Variants in ATOSA observed in about 807,000 individuals in gnomAD.
The protein encoded by ATOSA is atos homolog A, also known as atos homolog protein A.
At chr15:52,667,830 G>A in the ATOSA span, among the ~76,000 whole-genome samples, 1 of 152,194 alleles carries the variant, frequency 6.6e-6, no homozygotes, top group Non-Finnish European at 1.5e-5. Context: ...CTAATAACCA[G>A]AGAAATGCAA....
At chr15:52,582,295 A>G in the ATOSA span, 20 of 1,578,628 alleles carry the variant, frequency 1.3e-5, no homozygotes, top group Non-Finnish European at 1.7e-5. Context: ...TTCCAGATTT[A>G]GAACTCTGGA....
chr15:52,601,477 T>G, the ATOSA span, among the ~76,000 whole-genome samples: 5 of 151,736 alleles, frequency 3.3e-5, no homozygotes, highest in African/African-American at 1.2e-4. Context: ...TTTGCTTTTT[T>G]GTATACTTCT....
At chr15:52,612,789 C>T in the ATOSA span, among the ~76,000 whole-genome samples, 1 of 152,046 alleles carries the variant, frequency 6.6e-6, no homozygotes, top group Admixed American at 6.5e-5. Context: ...AGGCGTGAAC[C>T]ACTGCGCCCA....
chr15:52,629,556 C>A, the ATOSA span: 1 of 306,946 alleles, frequency 3.3e-6, no homozygotes, highest in Non-Finnish European at 6.6e-6. Context: ...GTAATCCCAG[C>A]ACTTTGGCAG....
chr15:52,626,987 T>C, the ATOSA span, among the ~76,000 whole-genome samples: 1 of 152,226 alleles, frequency 6.6e-6, no homozygotes, highest in African/African-American at 2.4e-5. Flanking sequence ...GAATTCTAAC[T>C]AGGTTTTCCA....
At chr15:52,627,270 A>G in the ATOSA span, among the ~76,000 whole-genome samples, 1 of 152,142 alleles carries the variant, frequency 6.6e-6, no homozygotes, top group African/African-American at 2.4e-5. Context: ...CAAACTGCAC[A>G]TTTTTCAATG....
chr15:52,699,114 C>T, the ATOSA span, among the ~76,000 whole-genome samples: 12 of 152,252 alleles, frequency 7.9e-5, no homozygotes, highest in African/African-American at 2.9e-4. Context: ...CTTGCCCCAG[C>T]CTCGGACAAG....
chr15:52,583,715 A>C, the ATOSA span, among the ~76,000 whole-genome samples: 1 of 152,124 alleles, frequency 6.6e-6, no homozygotes, highest in African/African-American at 2.4e-5. Context: ...AAGTTTTCCA[A>C]GTCTGTTTTT....
chr15:52,645,487 TAGG>T, the ATOSA span, among the ~76,000 whole-genome samples: 1 of 151,998 alleles, frequency 6.6e-6, no homozygotes, highest in South Asian at 2.1e-4. Context: ...ATAAATAAAA[TAGG>T]AGTAGATCAA....
At chr15:52,694,173 T>A in the ATOSA span, among the ~76,000 whole-genome samples, 5,755 of 146,446 alleles carry the variant, frequency 0.039, 361 homozygotes, top group African/African-American at 0.13. Context: ...TATATATTTT[T>A]TTTTTTTTTT....
At chr15:52,611,736 C>A in the ATOSA span, 1 of 1,613,972 alleles carries the variant, frequency 6.2e-7, no homozygotes, top group Non-Finnish European at 8.5e-7. Context: ...TATTCTTCCA[C>A]AACAATGTGA....
At chr15:52,704,699 T>C in the ATOSA span, among the ~76,000 whole-genome samples, 3 of 152,120 alleles carry the variant, frequency 2.0e-5, no homozygotes, top group African/African-American at 4.8e-5. Flanking sequence ...GGGCAAAAGA[T>C]ATGAACAGAC....
the ATOSA span, among the ~76,000 whole-genome samples, chr15:52,612,211 C>T: frequency 5.3e-5 from 8 of 152,240 alleles, no homozygotes; most frequent in East Asian, 1.5e-3. Flanking sequence ...TCTCAAACTC[C>T]TAACCTCAGG....
chr15:52,699,074 C>T, the ATOSA span, among the ~76,000 whole-genome samples: 1 of 152,110 alleles, frequency 6.6e-6, no homozygotes, highest in African/African-American at 2.4e-5. Flanking sequence ...GAAATAAAAG[C>T]ACTGCATAAA....
the ATOSA span, among the ~76,000 whole-genome samples, chr15:52,630,693 G>A: frequency 0.078 from 11,935 of 152,178 alleles, 767 homozygotes; most frequent in East Asian, 0.26. Flanking sequence ...ATAACCTAGA[G>A]AAAATCTTGT....
At chr15:52,693,739 A>G in the ATOSA span, among the ~76,000 whole-genome samples, 1 of 152,220 alleles carries the variant, frequency 6.6e-6, no homozygotes, top group Non-Finnish European at 1.5e-5. Flanking sequence ...ATATTTTCTA[A>G]TGGAGTTTAA....
chr15:52,650,952 G>A, the ATOSA span, among the ~76,000 whole-genome samples: 1 of 152,124 alleles, frequency 6.6e-6, no homozygotes, highest in Non-Finnish European at 1.5e-5. Context: ...GATACAAAAA[G>A]ACCTTTTGTT....
the ATOSA span, among the ~76,000 whole-genome samples, chr15:52,585,633 A>T: frequency 6.6e-6 from 1 of 152,256 alleles, no homozygotes; most frequent in Non-Finnish European, 1.5e-5. Flanking sequence ...CCCTTAAAAA[A>T]TTCTCAATAT....
chr15:52,605,362 G>T, the ATOSA span: 1 of 669,522 alleles, frequency 1.5e-6, no homozygotes, highest in Non-Finnish European at 2.4e-6. Flanking sequence ...TGCTGGTGAA[G>T]CTGGTGATAT....
Sources: allele counts gnomAD v4.1 joint callset (sites outside exome capture counted in the v4.1 genomes callset), GRCh38; gene constraint gnomAD v4.1.1; transcripts MANE v1.5; gene names NCBI Gene and HGNC (gene_info 2026-07-23, HGNC 2026-07-21).